EGF: variants seen among roughly 807,000 people sequenced by gnomAD.
The protein encoded by EGF is epidermal growth factor.
In EGF, 95 loss-of-function variants were observed where a neutral mutation model predicts 143.8. That is an observed-to-expected ratio of 0.66 (90% CI 0.56 to 0.78). The LOEUF (loss-of-function observed/expected upper bound fraction) is 0.78, where lower values mean the gene tolerates loss of function less well. EGF is among the 30% of genes least tolerant of loss of function. The pLI is 0.00. For synonymous variants in EGF, 510 were observed against 510.5 expected (o/e 1.00, Z 0.01); for missense variants, 1,320 against 1,470.9 (o/e 0.90, Z 1.68).
chr4:109,934,761 G>A (rs1353351314), intron 1 of EGF, among the ~76,000 whole-genome samples: 1 of 152,164 alleles, frequency 6.6e-6, no homozygotes, highest in Non-Finnish European at 1.5e-5. Flanking sequence ...AAGGGATCCA[G>A]TTTCAGCTTT....
rs1249211784 is a variant in EGF, at chr4:109,982,747, T to C, written c.2372-675T>C. Reference sequence around the variant, plus strand: ...ACTAAGACACCAGCTGTTGCCCACATTCCTTTTGCCATATCAGTACAAATG... The same window carrying C: ...ACTAAGACACCAGCTGTTGCCCACACTCCTTTTGCCATATCAGTACAAATG... On this transcript the variant is annotated intron_variant, in intron 15 of 23. Coordinates refer to ENST00000265171, the MANE Select transcript of EGF (RefSeq NM_001963.6). 2.0e-5 allele frequency among the ~76,000 whole-genome samples: 3 copies of C among 152,164 alleles called. No homozygotes were observed. In the East Asian group the frequency reaches 5.8e-4, roughly 29 times the overall value.
At chr4:109,963,076 A>AT (rs1745970358) in intron 8 of EGF, 97 bp from the exon 9 acceptor site, 1 of 1,507,780 alleles carries the variant, frequency 6.6e-7, no homozygotes, top group African/African-American at 1.4e-5. Flanking sequence ...AAAAAAAAAA[A>AT]AAAAATTAAC....
At chr4:110,004,911 T>C (rs1005164151) in intron 22 of EGF, among the ~76,000 whole-genome samples, 2 of 152,140 alleles carry the variant, frequency 1.3e-5, no homozygotes, top group East Asian at 1.9e-4. Context: ...CTTAGATTTG[T>C]ATGTGTTATG....
At chr4:110,003,514 C>T (rs1752846165) in intron 21 of EGF, among the ~76,000 whole-genome samples, 1 of 152,200 alleles carries the variant, frequency 6.6e-6, no homozygotes, top group Admixed American at 6.5e-5. Flanking sequence ...ACAGCAGCCC[C>T]TCCTATCCTT....
intron 5 of EGF, among the ~76,000 whole-genome samples, chr4:109,952,313 G>A (rs1464378045): frequency 6.6e-6 from 1 of 152,164 alleles, no homozygotes; most frequent in Non-Finnish European, 1.5e-5. Context: ...AGCTTCAAAA[G>A]CATATTCTTT....
At chr4:109,945,859 C>T (rs924884378) in intron 5 of EGF, among the ~76,000 whole-genome samples, 9 of 152,134 alleles carry the variant, frequency 5.9e-5, no homozygotes, top group African/African-American at 2.2e-4. Flanking sequence ...GCAGCCATTG[C>T]CAGGCCGTAA....
intron 1 of EGF, among the ~76,000 whole-genome samples, chr4:109,932,409 C>T (rs774898886): frequency 7.3e-4 from 74 of 101,416 alleles, no homozygotes; most frequent in South Asian, 1.8e-3. Flanking sequence ...GACGGAGTCT[C>T]GCTCTGTTGC....
At chr4:109,999,609 A>G (rs1752281677) in intron 20 of EGF, 70 bp from the exon 21 acceptor site, 2 of 1,589,224 alleles carry the variant, frequency 1.3e-6, no homozygotes. Flanking sequence ...ACAGCTGAAT[A>G]CTGAGTGTCA....
At chr4:109,975,509 C>A (rs186702393) in intron 12 of EGF, among the ~76,000 whole-genome samples, 1 of 152,260 alleles carries the variant, frequency 6.6e-6, no homozygotes, top group Non-Finnish European at 1.5e-5. Flanking sequence ...GTGCCCAGCA[C>A]CTGATTTATG....
intron 9 of EGF, 64 bp downstream of exon 9, chr4:109,963,362 G>T: frequency 6.2e-7 from 1 of 1,605,166 alleles, no homozygotes; most frequent in South Asian, 1.1e-5. Flanking sequence ...CTTTTGTTTA[G>T]AAAGATGGAA....
chr4:109,964,639 G>A (rs1746253481), intron 10 of EGF, 102 bp downstream of exon 10: 1 of 1,507,100 alleles, frequency 6.6e-7, no homozygotes, highest in Non-Finnish European at 9.1e-7. Flanking sequence ...CCTCTGCTAA[G>A]TTCTGAATGA....
At chr4:109,976,950 G>A (rs1748597026) in intron 13 of EGF, among the ~76,000 whole-genome samples, 1 of 152,222 alleles carries the variant, frequency 6.6e-6, no homozygotes, top group Non-Finnish European at 1.5e-5. Context: ...TATATGTTAA[G>A]ATTGGCATCT....
At chr4:109,919,312 TCTCTCTCTCTC>T (rs1560623149) in intron 1 of EGF, among the ~76,000 whole-genome samples, 72 of 146,648 alleles carry the variant, frequency 4.9e-4, no homozygotes, top group Middle Eastern at 3.4e-3. Flanking sequence ...TCTCTCTCTC[TCTCTCTCTCTC>T]TCTCTCTCTC....
rs888743494 is a variant in EGF, at chr4:110,004,485, A to T, written c.3174-20A>T. On this transcript the variant is annotated intron_variant, in intron 21 of 23. Transcript: ENST00000265171. ...TTTTGTTTTGTTGTGAGATTGTCTC[A>T]AATTTTGGCTTTATCACAGGACTCA... 6.2e-6 allele frequency: 10 copies of T among 1,610,512 alleles called. No homozygotes were observed. Among genetic ancestry groups the T allele is most frequent in the Non-Finnish European group, 8.5e-6 (10 of 1,177,048 alleles).
At chr4:109,915,399 G>C (rs140774306) in intron 1 of EGF, among the ~76,000 whole-genome samples, 2 of 152,244 alleles carry the variant, frequency 1.3e-5, no homozygotes, top group Non-Finnish European at 2.9e-5. Flanking sequence ...ATGTCCTCCT[G>C]GGCTCCACGT....
At chr4:109,985,003 C>T (rs537116638) in intron 16 of EGF, among the ~76,000 whole-genome samples, 24 of 152,196 alleles carry the variant, frequency 1.6e-4, no homozygotes, top group African/African-American at 5.5e-4. Flanking sequence ...TACTTTAAAC[C>T]AATGTTAGGG....
At chr4:110,008,592 T>G (rs1449164941) in intron 23 of EGF, among the ~76,000 whole-genome samples, 5 of 152,186 alleles carry the variant, frequency 3.3e-5, no homozygotes, top group Non-Finnish European at 7.3e-5. Flanking sequence ...TGTAAATGGC[T>G]CCAAGAAAAC....
chr4:109,969,808 G>T (rs1247993255), intron 11 of EGF, among the ~76,000 whole-genome samples: 1 of 152,074 alleles, frequency 6.6e-6, no homozygotes, highest in Admixed American at 6.5e-5. Context: ...GGGAGATAAG[G>T]TATATTTCCC....
chr4:109,998,727 T>A (rs1366154258), intron 20 of EGF, among the ~76,000 whole-genome samples: 1 of 152,226 alleles, frequency 6.6e-6, no homozygotes, highest in East Asian at 1.9e-4. Flanking sequence ...CTCTTCTCAC[T>A]ATGGGCACTG....
Sources: allele counts gnomAD v4.1 joint callset (sites outside exome capture counted in the v4.1 genomes callset), GRCh38; gene constraint gnomAD v4.1.1; transcripts MANE v1.5; gene names NCBI Gene and HGNC (gene_info 2026-07-23, HGNC 2026-07-21).